Variants in KLHL29 observed in about 807,000 individuals in gnomAD.
KLHL29 encodes the protein kelch like family member 29, also known as kelch-like protein 29.
Under a neutral mutation model 80.4 loss-of-function variants are expected in KLHL29, and 21 were observed. That is an observed-to-expected ratio of 0.26 (90% confidence interval 0.19 to 0.38). The LOEUF is 0.38. Among genes scored for constraint, KLHL29 ranks in the 10% least tolerant of loss-of-function variants. The pLI is 1.00. For synonymous variants in KLHL29, 511 were observed against 526.8 expected, an observed-to-expected ratio of 0.97 and a Z score of 0.41; for missense variants, 867 against 1,223.9, an observed-to-expected ratio of 0.71 and a Z score of 4.35.
At chr2:23,567,521 G>T (rs1033875607) in intron 3 of KLHL29, among the ~76,000 whole-genome samples, 1 of 152,220 alleles carries the variant, frequency 6.6e-6, no homozygotes, top group Non-Finnish European at 1.5e-5. Flanking sequence ...CTATCGGGGT[G>T]GATATGTGTC....
At position 23,683,273 on chromosome 2, in the gene KLHL29, C is replaced by G. The variant is rs192185558; in HGVS notation, c.941-1126C>G. On this transcript the variant is annotated intron_variant, in intron 5 of 13. Transcript: ENST00000486442. ...TCTGCAGGCCACCCTCTCCCACACA[C>G]CTGCCAAGGGAAATCGCCTGGCCTG... 2.4e-3 allele frequency among the ~76,000 whole-genome samples: 359 copies of G among 152,346 alleles called. 1 individual carries two copies. Among genetic ancestry groups the G allele is most frequent in the African/African-American group, 8.4e-3 (348 of 41,590 alleles).
At chr2:23,536,890 TCACACACACACA>T (rs111611960) in intron 2 of KLHL29, among the ~76,000 whole-genome samples, 3 of 143,222 alleles carry the variant, frequency 2.1e-5, no homozygotes, top group Non-Finnish European at 3.0e-5. Context: ...AAGACAGATC[TCACACACACACA>T]CACACACACA....
At chr2:23,388,366 T>C (rs1666236548) in intron 1 of KLHL29, among the ~76,000 whole-genome samples, 1 of 152,234 alleles carries the variant, frequency 6.6e-6, no homozygotes, top group Non-Finnish European at 1.5e-5. Context: ...TCAGTCACTT[T>C]AAGACCGGAA....
At chr2:23,697,426 C>T (rs55792424) in intron 11 of KLHL29, 7,119 of 152,388 alleles carry the variant, frequency 0.047, 230 homozygotes, top group Middle Eastern at 0.074. Context: ...AAGCACAACC[C>T]AGGGGAGACA....
At chr2:23,673,291 G>A (rs911110775) in intron 5 of KLHL29, among the ~76,000 whole-genome samples, 1 of 133,612 alleles carries the variant, frequency 7.5e-6, no homozygotes, top group Admixed American at 7.5e-5. Context: ...CCCACACCAC[G>A]TGCTCACATG....
At chr2:23,455,943 C>A (rs982404212) in intron 1 of KLHL29, among the ~76,000 whole-genome samples, 2 of 151,992 alleles carry the variant, frequency 1.3e-5, no homozygotes, top group African/African-American at 4.8e-5. Context: ...AGAAGACACA[C>A]AGAGGGACAC....
intron 1 of KLHL29, among the ~76,000 whole-genome samples, chr2:23,392,283 A>G (rs1486452662): frequency 6.6e-6 from 1 of 152,236 alleles, no homozygotes; most frequent in African/African-American, 2.4e-5. Flanking sequence ...ACACCAGGGC[A>G]TGTATATATA....
intron 5 of KLHL29, among the ~76,000 whole-genome samples, chr2:23,652,168 A>G (rs1414103373): frequency 6.6e-6 from 1 of 152,182 alleles, no homozygotes; most frequent in Non-Finnish European, 1.5e-5. Context: ...TCATAAATGC[A>G]CTTTTGCCAT....
At chr2:23,651,809 G>A (rs571896040) in intron 5 of KLHL29, among the ~76,000 whole-genome samples, 43 of 152,282 alleles carry the variant, frequency 2.8e-4, no homozygotes, top group East Asian at 1.3e-3. Context: ...GCAAACAGCC[G>A]CCTTCTCACT....
chr2:23,697,287 C>A (rs1356687377), intron 11 of KLHL29: 2 of 152,214 alleles, frequency 1.3e-5, no homozygotes, highest in Admixed American at 6.5e-5. Flanking sequence ...GGAGACTGTT[C>A]TTTCTTACAG....
At chr2:23,672,887 G>A (rs1271802124) in intron 5 of KLHL29, 2 of 152,318 alleles carry the variant, frequency 1.3e-5, no homozygotes, top group African/African-American at 4.8e-5. Flanking sequence ...GATGGTGTGA[G>A]AAAGAAAGCC....
At chr2:23,443,224 C>T (rs1389745553) in intron 1 of KLHL29, among the ~76,000 whole-genome samples, 1 of 152,090 alleles carries the variant, frequency 6.6e-6, no homozygotes, top group Non-Finnish European at 1.5e-5. Context: ...TTTTGCTGAG[C>T]TGTTTGAAAG....
intron 2 of KLHL29, among the ~76,000 whole-genome samples, chr2:23,501,520 G>A (rs1378655037): frequency 6.6e-6 from 1 of 152,176 alleles, no homozygotes; most frequent in African/African-American, 2.4e-5. Flanking sequence ...GATCATCGAT[G>A]TTCAGGTTGA....
At chr2:23,649,985 G>T (rs151274245) in intron 5 of KLHL29, among the ~76,000 whole-genome samples, 1 of 152,228 alleles carries the variant, frequency 6.6e-6, no homozygotes, top group African/African-American at 2.4e-5. Context: ...GAGCCATCAC[G>T]TTGTGGTCTT....
At chr2:23,422,521 T>G (rs1662847976) in intron 1 of KLHL29, among the ~76,000 whole-genome samples, 2 of 151,890 alleles carry the variant, frequency 1.3e-5, no homozygotes, top group African/African-American at 4.8e-5. Context: ...TGTGTGTCTC[T>G]GTGTGTGTCC....
At chr2:23,459,840 G>C (rs1664162877) in intron 1 of KLHL29, among the ~76,000 whole-genome samples, 1 of 152,178 alleles carries the variant, frequency 6.6e-6, no homozygotes, top group Non-Finnish European at 1.5e-5. Context: ...TAGCACCATG[G>C]AGGACACTGG....
chr2:23,643,233 C>T (rs948259029), intron 5 of KLHL29: 1 of 394,200 alleles, frequency 2.5e-6, no homozygotes, highest in Admixed American at 3.6e-5. Context: ...AGAACAGTCC[C>T]TTTGGGGGCC....
At position 23,403,457 on chromosome 2, in the gene KLHL29, G is replaced by A. The variant is rs866743268; in HGVS notation, c.-154+17677G>A. Among the ~76,000 whole-genome samples the A allele has an allele frequency of 1.4e-4, 21 of 152,242 alleles. No homozygotes were observed. The South Asian group carries it at 1.4e-3, about 11-fold the overall frequency. ...TCTCAGGATTCTCTTCCATGCTGGG[G>A]CTCCAGTAAGAGTCAAGATTTGGGG... is the stretch of plus-strand genomic sequence containing the variant. On this transcript the variant is annotated intron_variant, in intron 1 of 13. Coordinates refer to ENST00000486442, the MANE Select transcript of KLHL29 (RefSeq NM_052920.2).
intron 1 of KLHL29, among the ~76,000 whole-genome samples, chr2:23,398,453 G>A (rs1666508254): frequency 6.6e-6 from 1 of 152,224 alleles, no homozygotes; most frequent in Admixed American, 6.5e-5. Flanking sequence ...TAGTTGCCAG[G>A]GGATGTGGGG....
Sources: gnomAD v4.1 joint callset for allele counts (sites outside exome capture counted in the v4.1 genomes callset) on GRCh38, gnomAD v4.1.1 for gene constraint, MANE v1.5 for transcripts, NCBI Gene and HGNC (gene_info 2026-07-23, HGNC 2026-07-21) for gene names.